CREM: variants seen among roughly 807,000 people sequenced by gnomAD.
CREM encodes the protein cAMP responsive element modulator, also known as cAMP-responsive element modulator.
Under a neutral mutation model 37.3 loss-of-function variants are expected in CREM, and 13 were observed. The ratio of observed to expected loss-of-function variants is 0.35; its 90% CI spans 0.23 to 0.55. The LOEUF is 0.55. Ranked by LOEUF, CREM falls within the 20% of genes least tolerant of loss-of-function variation. The pLI, the probability that CREM is intolerant of heterozygous loss-of-function variation, is 0.88. For missense variants in CREM, 296 were observed against 362.3 expected (o/e 0.82, Z 1.49); for synonymous variants, 124 against 120.2 (o/e 1.03, Z -0.21).
chr10:35,165,248 C>T (rs950848275), intron 3 of CREM, among the ~76,000 whole-genome samples: 3 of 151,936 alleles, frequency 2.0e-5, no homozygotes, highest in African/African-American at 4.8e-5. Context: ...CAGGGTATCA[C>T]ATGGAGAGAG....
chr10:35,134,910 C>G (rs576838451), intron 1 of CREM, among the ~76,000 whole-genome samples: 1 of 151,788 alleles, frequency 6.6e-6, no homozygotes, highest in East Asian at 1.9e-4. Context: ...TGGTGGCATG[C>G]GCCTGTAATC....
chr10:35,196,616 TA>T, intron 6 of CREM: 1 of 153,224 alleles, frequency 6.5e-6, no homozygotes, highest in Middle Eastern at 3.4e-3. Flanking sequence ...TGTGAAGTTC[TA>T]GAGATGCTAT....
chr10:35,131,341 T>G (rs183832987), intron 1 of CREM, among the ~76,000 whole-genome samples: 163 of 152,326 alleles, frequency 1.1e-3, no homozygotes, highest in African/African-American at 2.2e-3. Context: ...AGGTTTTTTT[T>G]TGTGTGTTTT....
chr10:35,196,459 A>G (rs2095170623), intron 6 of CREM: 2 of 219,010 alleles, frequency 9.1e-6, no homozygotes, highest in Non-Finnish European at 1.8e-5. Flanking sequence ...TAAGAGTTTT[A>G]AACAACTTCA....
intron 3 of CREM, chr10:35,158,447 C>T (rs779911204): frequency 3.7e-4 from 106 of 289,560 alleles, no homozygotes; most frequent in Non-Finnish European, 5.6e-4. Context: ...TGAACAGTGC[C>T]GCCTGCAGAG....
intron 1 of CREM, among the ~76,000 whole-genome samples, chr10:35,131,958 G>A (rs1009508012): frequency 8.5e-5 from 13 of 152,154 alleles, no homozygotes; most frequent in Non-Finnish European, 1.6e-4. Flanking sequence ...GCTCACGCCT[G>A]TAATCCCAGT....
chr10:35,176,030 T>C, intron 3 of CREM: 1 of 1,530,238 alleles, frequency 6.5e-7, no homozygotes, highest in South Asian at 1.3e-5. Context: ...GTTTTGTCTT[T>C]GACTTTCTTG....
At chr10:35,146,925 A>G (rs1192435273) in intron 2 of CREM, among the ~76,000 whole-genome samples, 1 of 152,130 alleles carries the variant, frequency 6.6e-6, no homozygotes, top group South Asian at 2.1e-4. Context: ...TCAAAGATCT[A>G]AGTGGTCTAT....
chr10:35,204,827 G>C (rs1310997349), intron 6 of CREM, among the ~76,000 whole-genome samples: 2 of 152,100 alleles, frequency 1.3e-5, no homozygotes, highest in Non-Finnish European at 2.9e-5. Flanking sequence ...ACATAAATCA[G>C]TTAATCTTTG....
intron 3 of CREM, among the ~76,000 whole-genome samples, chr10:35,173,881 T>C (rs926910676): frequency 9.2e-5 from 14 of 152,224 alleles, no homozygotes; most frequent in African/African-American, 3.4e-4. Context: ...AAAGATGCCC[T>C]GAGACTAAAA....
At chr10:35,209,360 A>G in intron 7 of CREM, 1 of 985,380 alleles carries the variant, frequency 1.0e-6, no homozygotes, top group South Asian at 4.7e-5. Context: ...CGTGCTGAGG[A>G]TACACCCAGA....
At chr10:35,171,834 A>G (rs2093835486) in intron 3 of CREM, among the ~76,000 whole-genome samples, 1 of 152,254 alleles carries the variant, frequency 6.6e-6, no homozygotes. Context: ...TAATTCTAAA[A>G]AGAAAATTAT....
chr10:35,187,302 C>T (rs2094690713), intron 5 of CREM, among the ~76,000 whole-genome samples: 1 of 136,674 alleles, frequency 7.3e-6, no homozygotes, highest in African/African-American at 2.8e-5. Context: ...CTCTGTTGCC[C>T]AGGCTGGAGT....
chr10:35,138,019 G>A (rs1238728315), intron 2 of CREM, 140 bp downstream of exon 2: 1 of 516,052 alleles, frequency 1.9e-6, no homozygotes, highest in Non-Finnish European at 3.0e-6. Flanking sequence ...AAATTATTCA[G>A]CCATTCACTT....
chr10:35,193,503 AC>A (rs906142110), intron 6 of CREM, among the ~76,000 whole-genome samples: 13 of 152,068 alleles, frequency 8.5e-5, no homozygotes, highest in African/African-American at 3.1e-4. Context: ...TTGGACCCAA[AC>A]CCTCAGGTGT....
At chr10:35,133,532 C>T (rs1392684577) in intron 1 of CREM, among the ~76,000 whole-genome samples, 1 of 152,160 alleles carries the variant, frequency 6.6e-6, no homozygotes, top group Non-Finnish European at 1.5e-5. Flanking sequence ...CTCCTGACCT[C>T]ATGTAATCCA....
At chr10:35,193,916 A>G (rs2095029466) in intron 6 of CREM, among the ~76,000 whole-genome samples, 1 of 151,866 alleles carries the variant, frequency 6.6e-6, no homozygotes, top group African/African-American at 2.4e-5. Flanking sequence ...CCTGGCCAAC[A>G]TGGTGAAACC....
chr10:35,131,181 G>T (rs1331453014), intron 1 of CREM, among the ~76,000 whole-genome samples: 1 of 152,090 alleles, frequency 6.6e-6, no homozygotes, highest in African/African-American at 2.4e-5. Context: ...CTTTGTGCAT[G>T]TTTTCTAAAC....
intron 7 of CREM, among the ~76,000 whole-genome samples, chr10:35,208,782 T>G (rs2134726803): frequency 6.6e-6 from 1 of 152,310 alleles, no homozygotes; most frequent in South Asian, 2.1e-4. Flanking sequence ...CACCTACATT[T>G]CATTGGCTAG....
Sources: gnomAD v4.1 joint callset for allele counts (sites outside exome capture counted in the v4.1 genomes callset) on GRCh38, gnomAD v4.1.1 for gene constraint, MANE v1.5 for transcripts, NCBI Gene and HGNC (gene_info 2026-07-23, HGNC 2026-07-21) for gene names.